Variants in CACNB4 observed in about 807,000 individuals in gnomAD.
The protein encoded by CACNB4 is calcium voltage-gated channel auxiliary subunit beta 4, also known as voltage-dependent L-type calcium channel subunit beta-4.
CACNB4 carries 32 observed loss-of-function variants against 71.2 expected under a neutral mutation model. The observed-to-expected ratio is 0.45, with a 90% CI of 0.34 to 0.60. The LOEUF is 0.60. CACNB4 is among the 20% of genes least tolerant of loss of function. The pLI is 0.01. For missense variants in CACNB4, 464 were observed against 647.9 expected, an observed-to-expected ratio of 0.72 and a Z score of 3.08; for synonymous variants, 231 against 236.9, an observed-to-expected ratio of 0.97 and a Z score of 0.23.
At chr2:151,878,412 G>T (rs2151436697) in intron 4 of CACNB4, among the ~76,000 whole-genome samples, 1 of 152,194 alleles carries the variant, frequency 6.6e-6, no homozygotes, top group South Asian at 2.1e-4. Context: ...GTATGAGATT[G>T]CATTGAAATA....
rs1187430927 is a variant in CACNB4 at position 152,098,468 on chromosome 2, C to T, written c.64-55G>A. The T allele has an allele frequency of 1.3e-6, 2 of 1,514,000 alleles. No individual in the cohort carries two copies. The highest frequency in any genetic ancestry group is 1.1e-5 in the South Asian group (1 of 89,254). 93.8% of individuals were successfully genotyped at this position (1,514,000 alleles called of 1,614,324 possible). ...AGCCGGTGAGGACCGCAGCGCAGAG[C>T]GGGGCGACCACCCCCGGCTGGAGTC... On this transcript the variant is annotated intron_variant, in intron 1 of 13. Transcript: ENST00000539935. The surrounding 1 kb of genome is among the most constrained non-coding windows in gnomAD (Gnocchi z 5.3).
chr2:151,869,293 G>GTTCTCTC (rs1283848875), intron 8 of CACNB4, 58 bp from the exon 9 acceptor site: 1 of 944,420 alleles, frequency 1.1e-6, no homozygotes, highest in African/African-American at 1.6e-5. Flanking sequence ...AGAGAGAGAA[G>GTTCTCTC]TCAAAAGGGA....
intron 12 of CACNB4, chr2:151,852,615 G>A (rs2099839360): frequency 6.6e-6 from 1 of 152,230 alleles, no homozygotes; most frequent in Non-Finnish European, 1.5e-5. Flanking sequence ...ACTAGTCAGT[G>A]TGGATTCAAA....
At chr2:152,086,190 T>C (rs1278197965) in intron 2 of CACNB4, among the ~76,000 whole-genome samples, 1 of 152,194 alleles carries the variant, frequency 6.6e-6, no homozygotes, top group East Asian at 1.9e-4. Context: ...AGATATTAGA[T>C]ATAGTTTAAT....
At chr2:151,983,538 A>G (rs932334683) in intron 2 of CACNB4, among the ~76,000 whole-genome samples, 1 of 152,194 alleles carries the variant, frequency 6.6e-6, no homozygotes, top group Non-Finnish European at 1.5e-5. Flanking sequence ...AACAGTATAA[A>G]TTTGGAGCCA....
intron 2 of CACNB4, among the ~76,000 whole-genome samples, chr2:151,900,127 T>C (rs755345672): frequency 1.3e-5 from 2 of 152,168 alleles, no homozygotes; most frequent in African/African-American, 4.8e-5. Context: ...TGTAGAGTGA[T>C]GAATTTGGAC....
At chr2:152,035,651 C>CTCTCTCTCTCTCTCTCTCTA (rs796161186) in intron 2 of CACNB4, among the ~76,000 whole-genome samples, 21 of 118,066 alleles carry the variant, frequency 1.8e-4, no homozygotes, top group African/African-American at 6.9e-4. Flanking sequence ...CTCTCTCTCT[C>CTCTCTCTCTCTCTCTCTCTA]TATATATATA....
chr2:152,041,437 C>G (rs756609292), intron 2 of CACNB4, among the ~76,000 whole-genome samples: 1 of 152,140 alleles, frequency 6.6e-6, no homozygotes, highest in Non-Finnish European at 1.5e-5. Flanking sequence ...TTAAATTTGC[C>G]ACGAGTTATT....
At chr2:151,942,173 G>A (rs2099864434) in intron 2 of CACNB4, among the ~76,000 whole-genome samples, 1 of 149,104 alleles carries the variant, frequency 6.7e-6, no homozygotes, top group South Asian at 2.1e-4. Flanking sequence ...CAAATACCAG[G>A]CTATCTAGAT....
chr2:151,935,893 G>T (rs2099862806), intron 2 of CACNB4, among the ~76,000 whole-genome samples: 1 of 152,160 alleles, frequency 6.6e-6, no homozygotes, highest in East Asian at 1.9e-4. Flanking sequence ...AGGAGATCTG[G>T]ATTGCTTTCC....
chr2:151,964,470 G>C (rs62176763), intron 2 of CACNB4, among the ~76,000 whole-genome samples: 4,401 of 152,266 alleles, frequency 0.029, 66 homozygotes, highest in African/African-American at 0.039. Flanking sequence ...ATTTTTTACA[G>C]TCTATGGTTT....
rs1035508323 is a variant in CACNB4 at position 151,837,095 on chromosome 2, G to A, written c.*2024C>T. 8 of 151,966 alleles carry A rather than the reference G, an allele frequency of 5.3e-5. No homozygotes were observed. The South Asian group carries it at 1.7e-3, about 32-fold the overall frequency. The allele number at this position is 151,966 out of a possible 1,614,324, so 9.4% of individuals were successfully genotyped here. A position where few individuals can be genotyped will look rare whatever the true frequency, so the allele number is the denominator to read the frequency against. On this transcript the variant is annotated 3_prime_UTR_variant, in exon 14 of 14. Coordinates refer to ENST00000539935, the MANE Select transcript of CACNB4 (RefSeq NM_000726.5). ...TGTTCTAACAAAGTATTCAGTAATG[G>A]CAGGTTATATGTTTATTAAAGTGCC...
At chr2:152,058,703 G>A (rs2105323648) in intron 2 of CACNB4, among the ~76,000 whole-genome samples, 1 of 152,368 alleles carries the variant, frequency 6.6e-6, no homozygotes, top group South Asian at 2.1e-4. Context: ...ATTTTCTGGG[G>A]AGAAATTCAA....
chr2:151,938,166 A>C (rs1019831662), intron 2 of CACNB4, among the ~76,000 whole-genome samples: 2 of 152,166 alleles, frequency 1.3e-5, no homozygotes, highest in Non-Finnish European at 2.9e-5. Context: ...ACTGCTTTTG[A>C]CTTAAAGAAA....
intron 2 of CACNB4, among the ~76,000 whole-genome samples, chr2:151,914,637 C>A (rs946615572): frequency 1.3e-5 from 2 of 152,062 alleles, no homozygotes; most frequent in Non-Finnish European, 1.5e-5. Context: ...GGCTGCTGAC[C>A]CTTGGATGGG....
intron 2 of CACNB4, among the ~76,000 whole-genome samples, chr2:151,896,341 T>C (rs916286053): frequency 1.3e-5 from 2 of 152,170 alleles, no homozygotes; most frequent in African/African-American, 4.8e-5. Context: ...AGATGACGAA[T>C]GGTTGGAAGT....
intron 2 of CACNB4, among the ~76,000 whole-genome samples, chr2:151,998,343 AGT>A (rs1682192888): frequency 6.7e-6 from 1 of 149,568 alleles, no homozygotes; most frequent in African/African-American, 2.5e-5. Context: ...AAAAAAAAAA[AGT>A]TGAAATTAAG....
At chr2:152,025,895 G>T (rs2105154028) in intron 2 of CACNB4, among the ~76,000 whole-genome samples, 1 of 152,342 alleles carries the variant, frequency 6.6e-6, no homozygotes, top group Admixed American at 6.5e-5. Context: ...TGTGTTTGCA[G>T]TATAGTAGAA....
At chr2:151,909,274 T>C (rs2099855576) in intron 2 of CACNB4, among the ~76,000 whole-genome samples, 1 of 150,024 alleles carries the variant, frequency 6.7e-6, no homozygotes, top group African/African-American at 2.4e-5. Flanking sequence ...CTATTAAAAA[T>C]ACAAAAAAAA....
Sources: gnomAD v4.1 joint callset for allele counts (sites outside exome capture counted in the v4.1 genomes callset) on GRCh38, gnomAD v4.1.1 for gene constraint, Gnocchi (gnomAD v3.1) non-coding constraint, MANE v1.5 for transcripts, NCBI Gene and HGNC (gene_info 2026-07-23, HGNC 2026-07-21) for gene names.